Variants in CALN1 observed in about 807,000 individuals in gnomAD.
The protein encoded by CALN1 is calneuron 1, also known as calcium-binding protein 8.
CALN1 carries 17 observed loss-of-function variants against 30.6 expected under a neutral mutation model. The observed-to-expected ratio is 0.56, with a 90% CI of 0.38 to 0.83. The LOEUF (loss-of-function observed/expected upper bound fraction) is 0.83. Among genes scored for constraint, CALN1 ranks in the 40% least tolerant of loss-of-function variants. The pLI, the probability that CALN1 is intolerant of heterozygous loss-of-function variation, is 0.00. For synonymous variants in CALN1, 156 were observed against 131.4 expected (o/e 1.19, Z -1.28); for missense variants, 291 against 354.9 (o/e 0.82, Z 1.45).
intron 3 of CALN1, among the ~76,000 whole-genome samples, chr7:72,263,149 C>T (rs1393263753): frequency 4.6e-5 from 7 of 152,176 alleles, no homozygotes; most frequent in Non-Finnish European, 7.3e-5. Context: ...ATCATCATAA[C>T]AATAACAATA....
intron 5 of CALN1, among the ~76,000 whole-genome samples, chr7:71,883,749 C>T (rs1792725092): frequency 6.6e-6 from 1 of 152,152 alleles, no homozygotes; most frequent in South Asian, 2.1e-4. Context: ...CCTTACCCAT[C>T]CCTTCTGAAC....
intron 5 of CALN1, among the ~76,000 whole-genome samples, chr7:71,922,057 A>G (rs1317952740): frequency 6.6e-6 from 1 of 152,232 alleles, no homozygotes; most frequent in Non-Finnish European, 1.5e-5. Context: ...AACAGAGGTG[A>G]GCCTGCCCTC....
chr7:72,153,695 G>T (rs182453679), intron 3 of CALN1, among the ~76,000 whole-genome samples: 13 of 151,558 alleles, frequency 8.6e-5, no homozygotes, highest in South Asian at 4.2e-4. Flanking sequence ...AAAATAAAAA[G>T]AAAAAAGAAA....
At chr7:72,415,001 G>A (rs555396747), upstream of CALN1, among the ~76,000 whole-genome samples, 7 of 152,316 alleles carry the variant, frequency 4.6e-5, no homozygotes, top group South Asian at 4.1e-4. Context: ...TTTATAAGAG[G>A]AAGAGAGGGA....
chr7:71,925,872 G>A (rs1487486417), intron 5 of CALN1, among the ~76,000 whole-genome samples: 1 of 148,192 alleles, frequency 6.7e-6, no homozygotes, highest in Non-Finnish European at 1.5e-5. Flanking sequence ...GTTGTTGTTT[G>A]AAACGGAGTC....
Position 72,286,734 on chromosome 7 carries a change from GA to G in CALN1, c.120-7925del, listed in dbSNP as rs1798103026. On this transcript the variant is annotated intron_variant, in intron 2 of 6. Coordinates refer to ENST00000395275, the MANE Select transcript of CALN1 (RefSeq NM_031468.4). ...TTTGGACAGATCTCAAATCAGACAA[GA>G]ATGAGTAAGCAAAAACACTAACGTA... is the stretch of plus-strand genomic sequence containing the variant. Among the ~76,000 whole-genome samples the G allele has an allele frequency of 3.3e-5, 5 of 152,216 alleles. No homozygotes were observed. The South Asian group carries it at 1.0e-3, about 31-fold the overall frequency.
chr7:72,277,287 A>G (rs546379974), intron 3 of CALN1, among the ~76,000 whole-genome samples: 1 of 152,332 alleles, frequency 6.6e-6, no homozygotes, highest in South Asian at 2.1e-4. Flanking sequence ...GACACCACCC[A>G]AGGGCAGCCT....
At chr7:71,862,535 C>A (rs1238281471) in intron 5 of CALN1, among the ~76,000 whole-genome samples, 1 of 152,288 alleles carries the variant, frequency 6.6e-6, no homozygotes. Context: ...GAGGCCTCCC[C>A]AGCCATGTGG....
chr7:72,302,314 A>G (rs543909912), intron 2 of CALN1, among the ~76,000 whole-genome samples: 1 of 152,308 alleles, frequency 6.6e-6, no homozygotes, highest in East Asian at 1.9e-4. Context: ...GAATTAAAGA[A>G]AGCACCTAAA....
At chr7:72,026,013 C>A (rs1182114277) in intron 4 of CALN1, among the ~76,000 whole-genome samples, 4 of 152,030 alleles carry the variant, frequency 2.6e-5, no homozygotes, top group Admixed American at 2.6e-4. Context: ...CAGTCGGTGG[C>A]CTCTGGAGAA....
chr7:72,031,096 C>T (rs11977075), intron 4 of CALN1, among the ~76,000 whole-genome samples: 1 of 152,146 alleles, frequency 6.6e-6, no homozygotes, highest in African/African-American at 2.4e-5. Flanking sequence ...CAGAAGCTTA[C>T]GCAGGGAGTA....
At chr7:71,900,369 ATC>A (rs1041817537) in intron 5 of CALN1, among the ~76,000 whole-genome samples, 3 of 152,240 alleles carry the variant, frequency 2.0e-5, no homozygotes, top group African/African-American at 7.2e-5. Flanking sequence ...AAGTCAAATT[ATC>A]TCTGTTTGCT....
intron 5 of CALN1, among the ~76,000 whole-genome samples, chr7:71,990,625 G>A (rs1310918123): frequency 3.3e-5 from 5 of 151,990 alleles, no homozygotes; most frequent in Admixed American, 6.6e-5. Context: ...GCTAAGTTTT[G>A]TATTTTTAGC....
intron 5 of CALN1, among the ~76,000 whole-genome samples, chr7:71,936,730 G>A (rs1331945027): frequency 2.0e-5 from 3 of 152,044 alleles, no homozygotes; most frequent in South Asian, 4.2e-4. Context: ...TAGTCATATG[G>A]TCTGGCTCTG....
intron 2 of CALN1, among the ~76,000 whole-genome samples, chr7:72,351,359 A>G (rs970427793): frequency 3.3e-5 from 5 of 152,150 alleles, no homozygotes; most frequent in African/African-American, 1.2e-4. Context: ...TATAGCCATC[A>G]GGCTGAAGTA....
At chr7:72,334,192 C>T (rs537478507) in intron 2 of CALN1, among the ~76,000 whole-genome samples, 6 of 152,150 alleles carry the variant, frequency 3.9e-5, no homozygotes, top group Non-Finnish European at 8.8e-5. Context: ...AGAGGGTCTC[C>T]GAAGGCTTTA....
intron 3 of CALN1, among the ~76,000 whole-genome samples, chr7:72,106,814 AAGGGAGGGAGGAAGGAAGGG>A (rs1807182749): frequency 1.7e-5 from 1 of 60,534 alleles, no homozygotes; most frequent in African/African-American, 7.6e-5. Context: ...GGGAGGAAGG[AAGGGAGGGAGGAAGGAAGGG>A]AGGGAGGGGA....
At chr7:72,074,260 C>T (rs1804588524) in intron 4 of CALN1, among the ~76,000 whole-genome samples, 1 of 152,016 alleles carries the variant, frequency 6.6e-6, no homozygotes, top group Admixed American at 6.6e-5. Context: ...CATATTGGAC[C>T]CATGAACGAA....
intron 3 of CALN1, among the ~76,000 whole-genome samples, chr7:72,241,047 T>C (rs1398231345): frequency 6.6e-6 from 1 of 152,206 alleles, no homozygotes; most frequent in Non-Finnish European, 1.5e-5. Context: ...TGGAGTGGAA[T>C]CAAACTATCT....
Sources: gnomAD v4.1 joint callset for allele counts (sites outside exome capture counted in the v4.1 genomes callset) on GRCh38, gnomAD v4.1.1 for gene constraint, MANE v1.5 for transcripts, NCBI Gene and HGNC (gene_info 2026-07-23, HGNC 2026-07-21) for gene names.